PPARGC1A: variants seen among roughly 807,000 people sequenced by gnomAD.
The protein encoded by PPARGC1A is peroxisome proliferator-activated receptor gamma coactivator 1-alpha.
Under a neutral mutation model 88.7 loss-of-function variants are expected in PPARGC1A, and 25 were observed. The ratio of observed to expected loss-of-function variants is 0.28; its 90% CI spans 0.21 to 0.39. The LOEUF is 0.39. Among genes scored for constraint, PPARGC1A ranks in the 10% least tolerant of loss-of-function variants. The pLI is 1.00. For missense variants in PPARGC1A, 880 were observed against 968.7 expected (o/e 0.91, Z 1.22); for synonymous variants, 363 against 355.6 (o/e 1.02, Z -0.24).
chr4:23,983,459 G>A, the PPARGC1A span, among the ~76,000 whole-genome samples: 8 of 152,216 alleles, frequency 5.3e-5, no homozygotes, highest in African/African-American at 1.4e-4. Context: ...GGATATGCTA[G>A]GAATTGCTGT....
At chr4:24,441,089 T>C in the PPARGC1A span, among the ~76,000 whole-genome samples, 1 of 152,320 alleles carries the variant, frequency 6.6e-6, no homozygotes, top group East Asian at 1.9e-4. Context: ...TAAAAACTCT[T>C]GTTTCTTAAA....
At chr4:23,868,435 TTC>T (rs753074850) in intron 2 of PPARGC1A, among the ~76,000 whole-genome samples, 1 of 152,172 alleles carries the variant, frequency 6.6e-6, no homozygotes, top group Non-Finnish European at 1.5e-5. Flanking sequence ...TCATGTTATA[TTC>T]TCTCTCTCTT....
chr4:23,909,910 A>G, the PPARGC1A span, among the ~76,000 whole-genome samples: 4 of 151,202 alleles, frequency 2.6e-5, no homozygotes, highest in East Asian at 6.0e-4. Flanking sequence ...GCTAAGGGAA[A>G]TACAAAGAAA....
the PPARGC1A span, among the ~76,000 whole-genome samples, chr4:24,459,925 A>G: frequency 6.6e-6 from 1 of 152,242 alleles, no homozygotes; most frequent in Non-Finnish European, 1.5e-5. Flanking sequence ...ATATGCCCAA[A>G]TATAAGATGA....
chr4:24,226,889 C>T, the PPARGC1A span, among the ~76,000 whole-genome samples: 1 of 152,126 alleles, frequency 6.6e-6, no homozygotes, highest in Admixed American at 6.5e-5. Flanking sequence ...GAGATGTGAG[C>T]AGGAAACAGA....
the PPARGC1A span, among the ~76,000 whole-genome samples, chr4:23,928,143 G>C: frequency 6.6e-6 from 1 of 152,196 alleles, no homozygotes; most frequent in African/African-American, 2.4e-5. Context: ...AGGAAAAAGT[G>C]TCTGGACTAT....
chr4:24,401,314 G>A, the PPARGC1A span, among the ~76,000 whole-genome samples: 4 of 152,134 alleles, frequency 2.6e-5, no homozygotes, highest in South Asian at 8.3e-4. Context: ...CACTGCGCCC[G>A]GCCATACCTG....
the PPARGC1A span, among the ~76,000 whole-genome samples, chr4:24,265,948 G>A: frequency 6.6e-6 from 1 of 151,868 alleles, no homozygotes; most frequent in South Asian, 2.1e-4. Flanking sequence ...CAAAAGAGGG[G>A]AGTAAGGGAG....
intron 2 of PPARGC1A, among the ~76,000 whole-genome samples, chr4:23,863,753 T>C (rs1194497181): frequency 6.6e-6 from 1 of 152,136 alleles, no homozygotes; most frequent in Admixed American, 6.5e-5. Flanking sequence ...ATCTTTTTTG[T>C]TGTTGTTTTT....
intron 12 of PPARGC1A, among the ~76,000 whole-genome samples, chr4:23,801,309 A>C (rs140361802): frequency 4.1e-4 from 62 of 152,192 alleles, no homozygotes; most frequent in Non-Finnish European, 8.8e-4. Flanking sequence ...ACACGCACAC[A>C]CAAAGCACAA....
At chr4:24,152,817 C>T in the PPARGC1A span, among the ~76,000 whole-genome samples, 2 of 152,134 alleles carry the variant, frequency 1.3e-5, no homozygotes, top group Non-Finnish European at 2.9e-5. Context: ...ATACTTCTAC[C>T]CCAACTCTAG....
the PPARGC1A span, among the ~76,000 whole-genome samples, chr4:23,921,538 GCACA>G: frequency 1.3e-5 from 2 of 152,176 alleles, no homozygotes; most frequent in African/African-American, 4.8e-5. Flanking sequence ...AAGCCCCCAG[GCACA>G]CTGAACACCA....
chr4:23,931,801 G>A, the PPARGC1A span, among the ~76,000 whole-genome samples: 1 of 152,194 alleles, frequency 6.6e-6, no homozygotes, highest in Non-Finnish European at 1.5e-5. Context: ...ATAATCAGTA[G>A]CTCATGGGAA....
chr4:24,082,561 G>A, the PPARGC1A span, among the ~76,000 whole-genome samples: 2 of 152,180 alleles, frequency 1.3e-5, no homozygotes, highest in African/African-American at 4.8e-5. Context: ...CACCATAAGT[G>A]AGAGAATCGC....
At chr4:24,233,845 A>T in the PPARGC1A span, among the ~76,000 whole-genome samples, 1 of 152,220 alleles carries the variant, frequency 6.6e-6, no homozygotes, top group African/African-American at 2.4e-5. Flanking sequence ...GCAGGATAAA[A>T]TCAAAAACAG....
the PPARGC1A span, among the ~76,000 whole-genome samples, chr4:23,959,671 C>T: frequency 6.6e-6 from 1 of 152,024 alleles, no homozygotes; most frequent in Non-Finnish European, 1.5e-5. Context: ...GCTATGAGCT[C>T]TTGGGGTCTC....
chr4:23,898,868 CT>C (rs1444128465), intron 1 of PPARGC1A, among the ~76,000 whole-genome samples: 1 of 132,300 alleles, frequency 7.6e-6, no homozygotes, highest in Non-Finnish European at 1.6e-5. Flanking sequence ...CAGAGTCTTG[CT>C]TTTTTGCCCA....
chr4:24,327,426 A>G, the PPARGC1A span, among the ~76,000 whole-genome samples: 3 of 152,192 alleles, frequency 2.0e-5, no homozygotes, highest in Admixed American at 6.5e-5. Flanking sequence ...AAGTAAATAA[A>G]TAATCTTTGC....
At chr4:24,099,997 A>C in the PPARGC1A span, among the ~76,000 whole-genome samples, 1 of 150,542 alleles carries the variant, frequency 6.6e-6, no homozygotes, top group Non-Finnish European at 1.5e-5. Context: ...GGGGAGGGAT[A>C]GCACTAGGAG....
Sources: allele counts gnomAD v4.1 joint callset (sites outside exome capture counted in the v4.1 genomes callset), GRCh38; gene constraint gnomAD v4.1.1; transcripts MANE v1.5; gene names NCBI Gene and HGNC (gene_info 2026-07-23, HGNC 2026-07-21).